ASTN2: variants seen among roughly 807,000 people sequenced by gnomAD.
ASTN2 encodes the protein astrotactin 2.
In ASTN2, 54 loss-of-function variants were observed where a neutral mutation model predicts 139.8. That is an observed-to-expected ratio of 0.39 (90% CI 0.31 to 0.48). ASTN2 has a LOEUF of 0.48. ASTN2 is among the 20% of genes least tolerant of loss of function. The pLI, the probability that ASTN2 is intolerant of heterozygous loss-of-function variation, is 0.95. For synonymous variants in ASTN2, 756 were observed against 719.5 expected (o/e 1.05, Z -0.81); for missense variants, 1,565 against 1,725.1 (o/e 0.91, Z 1.64).
In ASTN2 at chr9:116,542,932, C is replaced by A. The variant is rs2012273; in HGVS notation, c.3356-55432G>T. 6.5e-3 allele frequency among the ~76,000 whole-genome samples: 990 copies of A among 151,846 alleles called. 9 individuals carry two copies. The highest frequency in any genetic ancestry group is 0.022 in the African/African-American group (931 of 41,406). ...AAAACTCTATCTCAAAAAAACAAAA[C>A]AAAACAAAAGACTATTATTTTTGGT... On this transcript the variant is annotated intron_variant, in intron 19 of 22. Coordinates refer to ENST00000313400, the MANE Select transcript of ASTN2 (RefSeq NM_001365068.1).
chr9:116,654,154 G>A lies in ASTN2; in HGVS notation c.2807-2361C>T, dbSNP rs148525121. On this transcript the variant is annotated intron_variant, in intron 16 of 22. Coordinates refer to ENST00000313400, the MANE Select transcript of ASTN2 (RefSeq NM_001365068.1). ...TAGGGACTCATTAGCCCACGCTCTG[G>A]CCTAGGTCAACAAACTATGGCCCAT... is the stretch of plus-strand genomic sequence containing the variant. 5.3e-3 allele frequency among the ~76,000 whole-genome samples: 803 copies of A among 152,292 alleles called. 2 individuals are homozygous for A. The highest frequency in any genetic ancestry group is 9.5e-3 in the Non-Finnish European group (644 of 68,016).
chr9:116,880,843 G>A (rs978482015), intron 10 of ASTN2, among the ~76,000 whole-genome samples: 24 of 152,272 alleles, frequency 1.6e-4, no homozygotes, highest in East Asian at 7.7e-4. Flanking sequence ...CACAGGTGCT[G>A]AGACATGACC....
chr9:117,359,424 C>CA (rs1361271634), intron 1 of ASTN2, among the ~76,000 whole-genome samples: 12 of 152,142 alleles, frequency 7.9e-5, no homozygotes, highest in Non-Finnish European at 1.8e-4. Context: ...TCAAGAAAGG[C>CA]AAAAGCTGTC....
chr9:116,600,785 C>G (rs965319034), intron 19 of ASTN2, among the ~76,000 whole-genome samples: 2 of 152,130 alleles, frequency 1.3e-5, no homozygotes, highest in African/African-American at 4.8e-5. Context: ...ACTCCAGCCC[C>G]ACTGTCCTTT....
intron 10 of ASTN2, among the ~76,000 whole-genome samples, chr9:116,929,128 G>C (rs2132448235): frequency 6.6e-6 from 1 of 152,320 alleles, no homozygotes; most frequent in African/African-American, 2.4e-5. Flanking sequence ...GAACTAGAAT[G>C]CTTGTTTAGG....
chr9:116,854,314 C>T (rs1164446363), intron 11 of ASTN2, among the ~76,000 whole-genome samples: 3 of 152,196 alleles, frequency 2.0e-5, no homozygotes, highest in Non-Finnish European at 4.4e-5. Context: ...CATGTTCTAG[C>T]CCATTGCGTA....
chr9:116,994,627 A>C (rs2132557474), intron 7 of ASTN2, among the ~76,000 whole-genome samples: 1 of 152,280 alleles, frequency 6.6e-6, no homozygotes, highest in South Asian at 2.1e-4. Context: ...TGAGGAGCTA[A>C]ATTTAACATT....
chr9:116,771,886 A>G (rs1744036412), intron 13 of ASTN2, among the ~76,000 whole-genome samples: 1 of 152,132 alleles, frequency 6.6e-6, no homozygotes, highest in South Asian at 2.1e-4. Flanking sequence ...CAGGCAAGAG[A>G]ACATCTAGGG....
intron 3 of ASTN2, among the ~76,000 whole-genome samples, chr9:117,175,231 A>G (rs1345002081): frequency 1.3e-5 from 2 of 152,150 alleles, no homozygotes; most frequent in East Asian, 3.8e-4. Flanking sequence ...GCTGGTAGAA[A>G]TTAGATACAA....
chr9:116,834,621 G>T (rs185099875), intron 11 of ASTN2, among the ~76,000 whole-genome samples: 74 of 152,164 alleles, frequency 4.9e-4, no homozygotes, highest in African/African-American at 1.7e-3. Context: ...TGATTTGCAT[G>T]TGTCTTTTTC....
chr9:117,038,987 TTCAGGAAATTCCAA>T (rs1271437281), intron 6 of ASTN2, among the ~76,000 whole-genome samples: 1 of 152,170 alleles, frequency 6.6e-6, no homozygotes, highest in African/African-American at 2.4e-5. Flanking sequence ...ATCCAAGACA[TTCAGGAAATTCCAA>T]TAAAACTCAT....
At chr9:117,184,983 G>A (rs1831161483) in intron 3 of ASTN2, among the ~76,000 whole-genome samples, 1 of 152,150 alleles carries the variant, frequency 6.6e-6, no homozygotes, top group Non-Finnish European at 1.5e-5. Context: ...CAGCTTCACA[G>A]GTAAGGAATC....
intron 2 of ASTN2, among the ~76,000 whole-genome samples, chr9:117,227,837 C>T (rs1365131685): frequency 1.3e-5 from 2 of 152,040 alleles, no homozygotes; most frequent in Non-Finnish European, 2.9e-5. Flanking sequence ...AGATACTGAG[C>T]CAGAAAGTAA....
At chr9:116,868,074 G>A (rs117436998) in intron 10 of ASTN2, among the ~76,000 whole-genome samples, 1,607 of 152,254 alleles carry the variant, frequency 0.011, 13 homozygotes, top group Non-Finnish European at 0.017. Flanking sequence ...GCTGGACTGA[G>A]ACACTGCCCT....
rs77861201 is a variant in ASTN2, at chr9:117,077,251, C to T, written c.1276+18793G>A. On this transcript the variant is annotated intron_variant, in intron 5 of 22. Coordinates refer to ENST00000313400, the MANE Select transcript of ASTN2 (RefSeq NM_001365068.1). ...ATTAGCACAGAGAGGAGTTTTGGCG[C>T]GAGACTCAATGGAGCTCCTGTCCTT... Among the ~76,000 whole-genome samples, 592 of 152,172 alleles carry T rather than the reference C, an allele frequency of 3.9e-3. 1 individual carries two copies. The highest frequency in any genetic ancestry group is 0.024 in the Middle Eastern group (7 of 294).
Position 116,575,752 on chromosome 9 carries a change from T to C in ASTN2, c.3355+42572A>G, listed in dbSNP as rs182389892. Among the ~76,000 whole-genome samples the C allele has an allele frequency of 1.1e-4, 17 of 152,280 alleles. No individual in the cohort carries two copies. The East Asian group carries it at 2.7e-3, about 24-fold the overall frequency. On this transcript the variant is annotated intron_variant, in intron 19 of 22. Coordinates refer to ENST00000313400, the MANE Select transcript of ASTN2 (RefSeq NM_001365068.1). ...CCTTAATCATTTTCCCCTCAAAATA[T>C]TGACTGTGTGCCTCTCCCTGTATAT...
At chr9:116,532,417 T>C (rs1490134610) in intron 19 of ASTN2, among the ~76,000 whole-genome samples, 5 of 152,246 alleles carry the variant, frequency 3.3e-5, no homozygotes, top group Non-Finnish European at 7.3e-5. Context: ...TTTGGTGTTT[T>C]AGATATGAGG....
intron 3 of ASTN2, among the ~76,000 whole-genome samples, chr9:117,183,100 T>C (rs1336669357): frequency 6.6e-6 from 1 of 152,226 alleles, no homozygotes; most frequent in Non-Finnish European, 1.5e-5. Context: ...ATCCCCTTTC[T>C]TCTCCCAGAG....
Position 116,678,040 on chromosome 9 carries a change from A to G in ASTN2, c.2807-26247T>C, listed in dbSNP as rs777023091. ...AAATCAAATATTTTATCAGAAAAATAGAAACTTTAATGCCTTTTTGTTCAT... is the reference window on the plus strand; with the variant it reads ...AAATCAAATATTTTATCAGAAAAATGGAAACTTTAATGCCTTTTTGTTCAT... On this transcript the variant is annotated intron_variant, in intron 16 of 22. Transcript: ENST00000313400. 5.9e-5 allele frequency among the ~76,000 whole-genome samples: 9 copies of G among 152,254 alleles called. No individual in the cohort carries two copies. In the South Asian group the frequency reaches 1.7e-3, roughly 28 times the overall value.
Sources: gnomAD v4.1 joint callset for allele counts (sites outside exome capture counted in the v4.1 genomes callset) on GRCh38, gnomAD v4.1.1 for gene constraint, MANE v1.5 for transcripts, NCBI Gene and HGNC (gene_info 2026-07-23, HGNC 2026-07-21) for gene names.